Variants in FHAD1 observed in about 807,000 individuals in gnomAD.
The protein encoded by FHAD1 is forkhead-associated domain-containing protein 1.
FHAD1 carries 146 observed loss-of-function variants against 191.3 expected under a neutral mutation model. The observed-to-expected ratio is 0.76, with a 90% CI of 0.67 to 0.88. FHAD1 has a LOEUF of 0.88. Ranked by LOEUF, FHAD1 falls within the 40% of genes least tolerant of loss-of-function variation. The pLI is 0.00. For synonymous variants in FHAD1, 616 were observed against 672.3 expected (o/e 0.92, Z 1.29); for missense variants, 1,635 against 1,785.8 (o/e 0.92, Z 1.52).
intron 6 of FHAD1, chr1:15,305,786 C>T (rs1157167232): frequency 2.2e-6 from 1 of 447,848 alleles, no homozygotes; most frequent in South Asian, 1.6e-5. Flanking sequence ...CGCCTCCCAC[C>T]ATGATTCTGA....
chr1:15,269,629 CTTG>C (rs1655034583), intron 2 of FHAD1, among the ~76,000 whole-genome samples: 2 of 152,108 alleles, frequency 1.3e-5, no homozygotes, highest in Non-Finnish European at 2.9e-5. Flanking sequence ...GAACGTGCAC[CTTG>C]TTGTTGTTGG....
chr1:15,253,874 C>T (rs1573660519), intron 2 of FHAD1, among the ~76,000 whole-genome samples: 1 of 152,112 alleles, frequency 6.6e-6, no homozygotes, highest in South Asian at 2.1e-4. Flanking sequence ...TTTATATTTG[C>T]CTTGTTCCTG....
chr1:15,317,686 A>G (rs1291977233), intron 9 of FHAD1, 138 bp from the exon 10 acceptor site: 1 of 605,754 alleles, frequency 1.7e-6, no homozygotes, highest in African/African-American at 1.9e-5. Context: ...AGGAGAAGGA[A>G]TTAAATAAGC....
At chr1:15,379,162 C>T (rs1224099749) in intron 28 of FHAD1, among the ~76,000 whole-genome samples, 1 of 152,104 alleles carries the variant, frequency 6.6e-6, no homozygotes, top group Non-Finnish European at 1.5e-5. Context: ...TGGAGGATCC[C>T]GCCAGCCTCT....
At chr1:15,246,099 A>G (rs1205668872), upstream of FHAD1, among the ~76,000 whole-genome samples, 1 of 152,254 alleles carries the variant, frequency 6.6e-6, no homozygotes, top group African/African-American at 2.4e-5. Flanking sequence ...CGGAAGGCCA[A>G]GGGGAAGCAA....
intron 24 of FHAD1, among the ~76,000 whole-genome samples, chr1:15,366,625 C>G (rs549581501): frequency 5.9e-5 from 9 of 152,330 alleles, no homozygotes; most frequent in African/African-American, 1.9e-4. Flanking sequence ...AGCTTTGGGA[C>G]CTAGGGCAAG....
At chr1:15,395,856 CTA>C (rs1705773472) in intron 33 of FHAD1, among the ~76,000 whole-genome samples, 1 of 152,154 alleles carries the variant, frequency 6.6e-6, no homozygotes, top group African/African-American at 2.4e-5. Context: ...TGGCCCAAGA[CTA>C]TTCTTCTTCC....
chr1:15,308,293 A>G (rs1671157599), intron 6 of FHAD1, among the ~76,000 whole-genome samples: 1 of 152,224 alleles, frequency 6.6e-6, no homozygotes, highest in Non-Finnish European at 1.5e-5. Context: ...CCTGGAACCA[A>G]CAGGTGATCT....
chr1:15,345,487 C>T lies in FHAD1; in HGVS notation c.2310C>T (p.Val770=), dbSNP rs1688528606. The stretch of plus-strand genomic sequence containing the variant: ...CATTAGAGGAAGAGCAGACAAGAGT[C>T]CAAGAGCTGGAGGAACGCTTGGCCC... ...KEALEEEQTR[V]QELEERLARQ... Residue 770 remains valine, a synonymous_variant, in exon 18 of 34, where the codon GTC becomes GTT. Coordinates refer to ENST00000688493, the MANE Select transcript of FHAD1 (RefSeq NM_001391957.1). 6.4e-7 allele frequency: 1 copy of T among 1,552,108 alleles called. No homozygotes were observed. Among genetic ancestry groups the T allele is most frequent in the Admixed American group, 2.0e-5 (1 of 50,984 alleles).
At chr1:15,267,766 A>G (rs988449763) in intron 2 of FHAD1, among the ~76,000 whole-genome samples, 22 of 144,754 alleles carry the variant, frequency 1.5e-4, no homozygotes, top group Non-Finnish European at 2.7e-4. Flanking sequence ...TTTATATATC[A>G]TTATAAATAA....
intron 14 of FHAD1, among the ~76,000 whole-genome samples, chr1:15,331,615 GATGA>G (rs1269268424): frequency 2.2e-4 from 33 of 150,024 alleles, no homozygotes; most frequent in East Asian, 9.9e-4. Flanking sequence ...TCTGTGGGTG[GATGA>G]ATGGATGGAT....
downstream of FHAD1, among the ~76,000 whole-genome samples, chr1:15,400,461 C>G (rs955448201): frequency 6.6e-6 from 1 of 152,150 alleles, no homozygotes; most frequent in African/African-American, 2.4e-5. Flanking sequence ...ATACACCTGG[C>G]CTCATACACC....
In FHAD1 at chr1:15,251,811, A is replaced by T; in HGVS notation, c.27A>T (p.Glu9Asp). 1 of 1,552,282 alleles carries T rather than the reference A, an allele frequency of 6.4e-7. No individual in the cohort carries two copies. Among genetic ancestry groups the T allele is most frequent in the Non-Finnish European group, 8.7e-7 (1 of 1,147,126 alleles). MKAYLKSAEGFFVLNKSTT... is the reference protein window; with the variant it reads MKAYLKSADGFFVLNKSTT... Reference sequence around the variant, plus strand: ...TGAAGGCCTATCTAAAGAGCGCAGAAGGCTTTTTTGTCCTAAATAAAAGTA... The same window carrying T: ...TGAAGGCCTATCTAAAGAGCGCAGATGGCTTTTTTGTCCTAAATAAAAGTA... The change falls in exon 2 of 34, where the codon GAA becomes GAT. Residue 9 changes from glutamate to aspartate, a missense_variant. Physicochemically the swap from Glu to Asp is conservative, Grantham distance 45 (BLOSUM62 2). Transcript: ENST00000688493.
chr1:15,263,263 C>T (rs371118194), intron 2 of FHAD1, among the ~76,000 whole-genome samples: 2 of 152,110 alleles, frequency 1.3e-5, no homozygotes, highest in East Asian at 3.9e-4. Flanking sequence ...TGCCTTTTCA[C>T]TGTGTTGAGT....
At chr1:15,368,592 A>G (rs1287591255) in intron 25 of FHAD1, among the ~76,000 whole-genome samples, 1 of 152,206 alleles carries the variant, frequency 6.6e-6, no homozygotes, top group Non-Finnish European at 1.5e-5. Context: ...TGGCCAAAGC[A>G]GATTCACATA....
chr1:15,306,387 C>G (rs549994858), intron 6 of FHAD1, among the ~76,000 whole-genome samples: 5 of 152,100 alleles, frequency 3.3e-5, no homozygotes, highest in Non-Finnish European at 7.4e-5. Flanking sequence ...AAAGAAAAAC[C>G]CATTTTCTGG....
chr1:15,299,012 AAAAAC>A (rs141287049), intron 5 of FHAD1, among the ~76,000 whole-genome samples: 7,104 of 150,498 alleles, frequency 0.047, 468 homozygotes, highest in African/African-American at 0.15. Flanking sequence ...CTGCAAAAAA[AAAAAC>A]AAAAACAAAA....
At chr1:15,260,617 C>T (rs554821237) in intron 2 of FHAD1, among the ~76,000 whole-genome samples, 1 of 152,332 alleles carries the variant, frequency 6.6e-6, no homozygotes, top group Admixed American at 6.5e-5. Context: ...CACTGGCCAT[C>T]GGTTGGAGGC....
rs1439042763 is a variant in FHAD1 at position 15,296,882 on chromosome 1, G to C, written c.678+89G>C. 4 of 1,049,598 alleles carry C rather than the reference G, an allele frequency of 3.8e-6. No individual in the cohort carries two copies. The East Asian group carries it at 1.0e-4, about 27-fold the overall frequency. 65.0% of individuals were successfully genotyped at this position (1,049,598 alleles called of 1,614,324 possible). A position where few individuals can be genotyped will look rare whatever the true frequency, so the allele number is the denominator to read the frequency against. ...GATGCCTGTTCTGTGTGGCCCAGGA[G>C]TGCCCTTATCCTGCTTCCAAGAAAC... On this transcript the variant is annotated intron_variant, in intron 5 of 33. Transcript: ENST00000688493.
Sources: allele counts gnomAD v4.1 joint callset (sites outside exome capture counted in the v4.1 genomes callset), GRCh38; gene constraint gnomAD v4.1.1; transcripts MANE v1.5; gene names NCBI Gene and HGNC (gene_info 2026-07-23, HGNC 2026-07-21).